AP2B1: variants seen among roughly 807,000 people sequenced by gnomAD.
The protein encoded by AP2B1 is adaptor related protein complex 2 subunit beta 1, also known as AP-2 complex subunit beta.
In AP2B1, 23 loss-of-function variants were observed where a neutral mutation model predicts 102.0. The observed-to-expected ratio is 0.23, with a 90% CI of 0.16 to 0.32. The LOEUF (loss-of-function observed/expected upper bound fraction) is 0.32, where lower values mean the gene tolerates loss of function less well. Ranked by LOEUF, AP2B1 falls within the 10% of genes least tolerant of loss-of-function variation. AP2B1 has a pLI of 1.00. For synonymous variants in AP2B1, 381 were observed against 421.2 expected (o/e 0.90, Z 1.17); for missense variants, 541 against 1,157.4 (o/e 0.47, Z 7.73).
intron 9 of AP2B1, among the ~76,000 whole-genome samples, chr17:35,635,114 C>T (rs1242645411): frequency 2.0e-5 from 3 of 152,158 alleles, no homozygotes; most frequent in East Asian, 1.9e-4. Context: ...TGCAGTGGCA[C>T]GATCTCGGCT....
Position 35,611,849 on chromosome 17 carries a change from C to G in AP2B1, c.525+3462C>G, listed in dbSNP as rs542336538. Among the ~76,000 whole-genome samples, 3 of 152,242 alleles carry G rather than the reference C, an allele frequency of 2.0e-5. No homozygotes were observed. The South Asian group carries it at 6.2e-4, about 32-fold the overall frequency. On this transcript the variant is annotated intron_variant, in intron 5 of 21. Transcript: ENST00000610402. ...AGCTATATAAAATTTAAGCAGGCAGCACATGAATAGGTCTCTATTTGAATT... is the reference window on the plus strand; with the variant it reads ...AGCTATATAAAATTTAAGCAGGCAGGACATGAATAGGTCTCTATTTGAATT...
At chr17:35,659,667 C>A in intron 14 of AP2B1, 1 of 306,900 alleles carries the variant, frequency 3.3e-6, no homozygotes, top group Non-Finnish European at 4.8e-6. Flanking sequence ...TCTAAATATG[C>A]AACCTTTGCT....
At position 35,626,670 on chromosome 17, in the gene AP2B1, G is replaced by T; in HGVS notation, c.766G>T (p.Val256Leu). The change falls in exon 7 of 22, where the codon GTG becomes TTG. Residue 256 changes from valine (V) to leucine (L), a missense_variant. Around this residue, in one of 10 missense-constraint regions of AP2B1, gnomAD observed 134 missense variants for 250.2 expected, o/e 0.54. Coordinates refer to ENST00000610402, the MANE Select transcript of AP2B1 (RefSeq NM_001030006.2). ...PRLSHANSAV[V>L]LSAVKVLMKF... ...GCTATCCCATGCCAACTCAGCAGTG[G>T]TGCTTTCAGCGGTAAAAGTCCTAAT... The T allele has an allele frequency of 6.2e-7, 1 of 1,613,568 alleles. No homozygotes were observed. The highest frequency in any genetic ancestry group is 8.5e-7 in the Non-Finnish European group (1 of 1,179,924).
intron 18 of AP2B1, among the ~76,000 whole-genome samples, chr17:35,707,562 C>T (rs1026821678): frequency 1.3e-5 from 2 of 150,642 alleles, no homozygotes; most frequent in African/African-American, 4.9e-5. Flanking sequence ...AAGCTATTCT[C>T]CCACCTCAGC....
At chr17:35,646,374 C>G (rs1470768920) in intron 12 of AP2B1, among the ~76,000 whole-genome samples, 1 of 119,246 alleles carries the variant, frequency 8.4e-6, no homozygotes, top group African/African-American at 3.5e-5. Context: ...GGTCATCCCT[C>G]AGAACGACAG....
At chr17:35,640,568 A>G (rs547525641) in intron 11 of AP2B1, among the ~76,000 whole-genome samples, 4 of 152,326 alleles carry the variant, frequency 2.6e-5, no homozygotes, top group South Asian at 4.1e-4. Flanking sequence ...TTAAAAACCT[A>G]CATAACTCAG....
At chr17:35,650,337 C>T (rs573487258) in intron 12 of AP2B1, among the ~76,000 whole-genome samples, 193 bp from the exon 13 acceptor site, 30 of 152,234 alleles carry the variant, frequency 2.0e-4, no homozygotes, top group Admixed American at 9.8e-4. Flanking sequence ...CCAAGTGATC[C>T]GCCTGTTTCA....
intron 18 of AP2B1, among the ~76,000 whole-genome samples, chr17:35,690,044 T>C (rs1567992145): frequency 6.6e-6 from 1 of 152,176 alleles, no homozygotes; most frequent in Non-Finnish European, 1.5e-5. Context: ...TCATTATGTC[T>C]CTTCTCTCCT....
intron 21 of AP2B1, among the ~76,000 whole-genome samples, chr17:35,720,893 T>C (rs953037187): frequency 6.6e-6 from 1 of 152,072 alleles, no homozygotes; most frequent in Non-Finnish European, 1.5e-5. Context: ...GTGGCACCCT[T>C]TTAGTCATTA....
chr17:35,612,240 T>C (rs1009396628), intron 5 of AP2B1, among the ~76,000 whole-genome samples: 1 of 152,194 alleles, frequency 6.6e-6, no homozygotes, highest in African/African-American at 2.4e-5. Flanking sequence ...AAGAAGACAC[T>C]CATTCTCAGG....
chr17:35,597,849 A>G (rs2073344857), intron 2 of AP2B1, among the ~76,000 whole-genome samples: 2 of 152,168 alleles, frequency 1.3e-5, no homozygotes, highest in Non-Finnish European at 2.9e-5. Flanking sequence ...AAATGAGGTA[A>G]TACGCGCCTG....
intron 3 of AP2B1, among the ~76,000 whole-genome samples, chr17:35,602,765 G>T (rs2073532504): frequency 6.6e-6 from 1 of 152,142 alleles, no homozygotes; most frequent in African/African-American, 2.4e-5. Context: ...CACCATATTG[G>T]AAAGTTCAGG....
intron 9 of AP2B1, among the ~76,000 whole-genome samples, chr17:35,631,102 G>T (rs373778543): frequency 1.3e-5 from 2 of 152,082 alleles, no homozygotes; most frequent in Non-Finnish European, 1.5e-5. Flanking sequence ...CAATCCTATG[G>T]TGCTATTTTT....
chr17:35,641,362 C>G lies in AP2B1; in HGVS notation c.1438-515C>G, dbSNP rs557210420. On this transcript the variant is annotated intron_variant, in intron 11 of 21. Transcript: ENST00000610402. Reference sequence around the variant, plus strand: ...CTGATGCGGGAGAATCGCTTCAAGCCAGGGCTATGAGACCAGCCCTGGCAA... The same window carrying G: ...CTGATGCGGGAGAATCGCTTCAAGCGAGGGCTATGAGACCAGCCCTGGCAA... Among the ~76,000 whole-genome samples the G allele has an allele frequency of 2.8e-4, 43 of 152,310 alleles. 2 individuals carry two copies. The highest frequency in any genetic ancestry group is 2.7e-3 in the Admixed American group (41 of 15,302).
At chr17:35,644,544 ATTT>A (rs556891338) in intron 12 of AP2B1, among the ~76,000 whole-genome samples, 3 of 135,908 alleles carry the variant, frequency 2.2e-5, no homozygotes, top group African/African-American at 5.4e-5. Context: ...CGCCCAGCTA[ATTT>A]TTTTTTTTTT....
At position 35,671,867 on chromosome 17, in the gene AP2B1, C is replaced by T. The variant is rs1360228233; in HGVS notation, c.2145C>T (p.Gly715=). The T allele has an allele frequency of 6.2e-7, 1 of 1,614,100 alleles. No homozygotes were observed. Among genetic ancestry groups the T allele is most frequent in the Admixed American group, 1.7e-5 (1 of 60,012 alleles). Residue 715 remains glycine (G), a synonymous_variant, in exon 16 of 22, where the codon GGC becomes GGT. Coordinates refer to ENST00000610402, the MANE Select transcript of AP2B1 (RefSeq NM_001030006.2). ...NDLFELSTGI[G]MAPGGYVAPK... ...TGTTTGAACTCTCCACAGGGATAGG[C>T]ATGGCACCTGGTGGATATGTGGCTC...
At chr17:35,641,588 A>G (rs1299487693) in intron 11 of AP2B1, among the ~76,000 whole-genome samples, 1 of 152,148 alleles carries the variant, frequency 6.6e-6, no homozygotes, top group Admixed American at 6.6e-5. Flanking sequence ...AGTAATAATA[A>G]TAATAATAAA....
intron 17 of AP2B1, among the ~76,000 whole-genome samples, chr17:35,679,222 CT>C (rs2075765664): frequency 6.6e-6 from 1 of 152,108 alleles, no homozygotes; most frequent in Admixed American, 6.5e-5. Flanking sequence ...GTAGCCACAG[CT>C]TCTTAGCCTC....
chr17:35,650,409 T>G (rs545691341), intron 12 of AP2B1, 121 bp from the exon 13 acceptor site: 2 of 1,203,970 alleles, frequency 1.7e-6, no homozygotes. Flanking sequence ...GCCTGAAGTA[T>G]CTTCTTAATA....
Sources: allele counts gnomAD v4.1 joint callset (sites outside exome capture counted in the v4.1 genomes callset), GRCh38; gene constraint gnomAD v4.1.1; regional missense constraint gnomAD v4.1.1; transcripts MANE v1.5; gene names NCBI Gene and HGNC (gene_info 2026-07-23, HGNC 2026-07-21).